HDAC10: variants seen among roughly 807,000 people sequenced by gnomAD.
HDAC10 encodes histone deacetylase 10.
HDAC10 carries 90 observed loss-of-function variants against 82.3 expected under a neutral mutation model. The observed-to-expected ratio is 1.09, with a 90% confidence interval of 0.92 to 1.30. HDAC10 has a LOEUF of 1.30. HDAC10 is among the 50% of genes most tolerant of loss of function. The probability of loss-of-function intolerance (pLI) is 0.00; values close to 1 mark genes in which losing one functional copy is unlikely to be tolerated. For missense variants in HDAC10, 934 were observed against 876.3 expected (o/e 1.07, Z -0.83); for synonymous variants, 456 against 391.7 (o/e 1.16, Z -1.94).
chr22:50,246,803 G>A (rs377500080), intron 15 of HDAC10, 68 bp from the exon 16 acceptor site: 4 of 1,598,850 alleles, frequency 2.5e-6, no homozygotes, highest in African/African-American at 2.7e-5. Context: ...AACTCTCTGT[G>A]CTTGGCCAGC....
In HDAC10 at chr22:50,248,086, G is replaced by A. The variant is rs766106095; in HGVS notation, c.1141C>T (p.Leu381=). ...TTACACACTGGACCCCCAGGCAGCA[G>A]AGGTGGAGGCCTCCCCTCTGGGGAG... is the stretch of plus-strand genomic sequence containing the variant. ...SHSPEGRPPP[L]LPGGPVCKAA... is the part of the protein sequence containing the mutation. The change falls in exon 13 of 20, where the codon CTG becomes TTG. Residue 381 remains leucine, a synonymous_variant. Transcript: ENST00000216271. The surrounding 1 kb of genome is among the most constrained non-coding windows in gnomAD (Gnocchi z 5.4). The A allele has an allele frequency of 5.6e-6, 9 of 1,599,970 alleles. No homozygotes were observed. The South Asian group carries it at 8.9e-5, about 16-fold the overall frequency.
In HDAC10 at chr22:50,249,826, G is replaced by A. The variant is rs1468984020; in HGVS notation, c.494+34C>T. On this transcript the variant is annotated intron_variant, in intron 5 of 19. Transcript: ENST00000216271. This position sits in a 1 kb window ranked among gnomAD's most constrained non-coding sequence, Gnocchi z 4.4. Reference sequence around the variant, plus strand: ...TGCGCTGCCCCTTGCTGTGTGGCCTGGGCCCACCCCCCTGCAGCCAGCCTG... The same window carrying A: ...TGCGCTGCCCCTTGCTGTGTGGCCTAGGCCCACCCCCCTGCAGCCAGCCTG... 1.9e-6 allele frequency: 3 copies of A among 1,605,434 alleles called. No homozygotes were observed. Among genetic ancestry groups the A allele is most frequent in the South Asian group, 2.2e-5 (2 of 90,734 alleles).
At position 50,250,759 on chromosome 22, in the gene HDAC10, C is replaced by T; in HGVS notation, c.194+12G>A. On this transcript the variant is annotated intron_variant, in intron 2 of 19. Coordinates refer to ENST00000216271, the MANE Select transcript of HDAC10 (RefSeq NM_032019.6). Reference sequence around the variant, plus strand: ...CCCCGCCCCCCATCGTGGGGCCTGCCCCCGTCCTGACCTGTGCACCAGGCC... The same window carrying T: ...CCCCGCCCCCCATCGTGGGGCCTGCTCCCGTCCTGACCTGTGCACCAGGCC... The T allele has an allele frequency of 1.3e-6, 2 of 1,574,072 alleles. No homozygotes were observed. Among genetic ancestry groups the T allele is most frequent in the Non-Finnish European group, 1.7e-6 (2 of 1,160,910 alleles).
chr22:50,247,164 G>A, intron 14 of HDAC10, 198 bp from the exon 15 acceptor site: 1 of 478,212 alleles, frequency 2.1e-6, no homozygotes. Flanking sequence ...TAGAGAGGCA[G>A]GGTCTCGTTC....
rs766386076 is a variant in HDAC10, at chr22:50,246,341, G to A, written c.1607C>T (p.Ala536Val). Residue 536 changes from alanine to valine, a missense_variant, in exon 17 of 20, where the codon GCG (alanine) becomes GTG (valine). Physicochemically the swap from Ala to Val is moderately conservative, Grantham distance 64. Transcript: ENST00000216271. Reference protein sequence around the residue: ...SLWLNIRGKEAAALSMFHVST... With the variant: ...SLWLNIRGKEVAALSMFHVST... ...GACATGGAACATGGATAGGGCAGCCGCCTCCTTGCCCCTGATGTTCAGCCA... is the reference window on the plus strand; with the variant it reads ...GACATGGAACATGGATAGGGCAGCCACCTCCTTGCCCCTGATGTTCAGCCA... The A allele has an allele frequency of 5.0e-6, 8 of 1,612,798 alleles. No individual in the cohort carries two copies. The highest frequency in any genetic ancestry group is 2.2e-5 in the East Asian group (1 of 44,890).
Position 50,248,282 on chromosome 22 carries a change from A to G in HDAC10, c.1024T>C (p.Ser342Pro). ...PMAPCQSALE[S>P]IQSARAAQAP... Reference sequence around the variant, plus strand: ...TGGGCAGCACGGGCACTCTGGATGGACTCTAGGGCACTGTGAGGGAGACAC... The same window carrying G: ...TGGGCAGCACGGGCACTCTGGATGGGCTCTAGGGCACTGTGAGGGAGACAC... The change falls in exon 12 of 20, where the codon TCC becomes CCC. Residue 342 changes from serine to proline, a missense_variant. Coordinates refer to ENST00000216271, the MANE Select transcript of HDAC10 (RefSeq NM_032019.6). The surrounding 1 kb of genome is among the most constrained non-coding windows in gnomAD (Gnocchi z 5.4). 1 of 1,612,094 alleles carries G rather than the reference A, an allele frequency of 6.2e-7. No homozygotes were observed. The highest frequency in any genetic ancestry group is 8.5e-7 in the Non-Finnish European group (1 of 1,179,776).
At chr22:50,247,268 A>G in intron 14 of HDAC10, 1 of 342,942 alleles carries the variant, frequency 2.9e-6, no homozygotes, top group East Asian at 5.1e-5. Flanking sequence ...CCTCCTAAGT[A>G]ACTACAGGCA....
At chr22:50,247,203 A>G (rs1035420672) in intron 14 of HDAC10, 6 of 432,260 alleles carry the variant, frequency 1.4e-5, no homozygotes, top group Non-Finnish European at 1.2e-5. Context: ...CAGTGGCGCA[A>G]TTGTAGCTCA....
chr22:50,246,595 C>A, intron 16 of HDAC10, 84 bp downstream of exon 16: 1 of 1,368,492 alleles, frequency 7.3e-7, no homozygotes, highest in Non-Finnish European at 1.0e-6. Flanking sequence ...CCCCACCCAC[C>A]CGTCACCCTG....
Position 50,249,525 on chromosome 22 carries a change from C to T in HDAC10, c.564-71G>A, listed in dbSNP as rs560536884. 5.6e-6 allele frequency: 9 copies of T among 1,605,904 alleles called. No individual in the cohort carries two copies. Among genetic ancestry groups the T allele is most frequent in the African/African-American group, 4.0e-5 (3 of 74,856 alleles). On this transcript the variant is annotated intron_variant, in intron 6 of 19. Coordinates refer to ENST00000216271, the MANE Select transcript of HDAC10 (RefSeq NM_032019.6). This position sits in a 1 kb window ranked among gnomAD's most constrained non-coding sequence, Gnocchi z 4.4. ...AACAGCTCTACAGCTCCCTGTAGAA[C>T]GCTGACCCCTGAGCACATGTCTGTA...
chr22:50,247,647 G>T, intron 14 of HDAC10, 45 bp downstream of exon 14: 1 of 1,421,518 alleles, frequency 7.0e-7, no homozygotes, highest in South Asian at 1.3e-5. Context: ...CCTGGTCCCT[G>T]CCCCTAGGTC....
In HDAC10 at chr22:50,251,173, G is replaced by A. The variant is rs536688644; in HGVS notation, c.-141C>T. The A allele has an allele frequency of 4.8e-6, 4 of 825,084 alleles. No individual in the cohort carries two copies. The highest frequency in any genetic ancestry group is 7.5e-6 in the Non-Finnish European group (4 of 529,958). 51.1% of individuals were successfully genotyped at this position (825,084 alleles called of 1,614,324 possible). On this transcript the variant is annotated 5_prime_UTR_variant, in exon 1 of 20. Coordinates refer to ENST00000216271, the MANE Select transcript of HDAC10 (RefSeq NM_032019.6). ...GCGGGCGGCGGGCACCGGCCTGGGCGGGAGCGCACAGAACCTAGGCAGGCT... is the reference window on the plus strand; with the variant it reads ...GCGGGCGGCGGGCACCGGCCTGGGCAGGAGCGCACAGAACCTAGGCAGGCT...
Position 50,249,187 on chromosome 22 carries a change from C to A in HDAC10, c.691-19G>T, listed in dbSNP as rs1241686323. ...TCCCAACCTGGCAGGACATCCCAGG[C>A]TACATCCTGAACTGTGGGGCAGGGG... is the stretch of plus-strand genomic sequence containing the variant. On this transcript the variant is annotated intron_variant, in intron 7 of 19. Transcript: ENST00000216271. This position sits in a 1 kb window ranked among gnomAD's most constrained non-coding sequence, Gnocchi z 4.4. The A allele has an allele frequency of 6.6e-7, 1 of 1,512,490 alleles. No homozygotes were observed. The highest frequency in any genetic ancestry group is 9.0e-7 in the Non-Finnish European group (1 of 1,114,186). The allele number at this position is 1,512,490 out of a possible 1,614,324, so 93.7% of individuals were successfully genotyped here.
intron 14 of HDAC10, 38 bp downstream of exon 14, chr22:50,247,654 G>A (rs1281459797): frequency 6.8e-7 from 1 of 1,466,074 alleles, no homozygotes; most frequent in Non-Finnish European, 9.3e-7. Flanking sequence ...CCTGCCCCTA[G>A]GTCCACAGCA....
In HDAC10 at chr22:50,245,550, G is replaced by A. The variant is rs893138425; in HGVS notation, c.1987-20C>T. On this transcript the variant is annotated intron_variant, in intron 19 of 19. Coordinates refer to ENST00000216271, the MANE Select transcript of HDAC10 (RefSeq NM_032019.6). ...ATGGCACTACAGGAGGAGCCGAGAAGAGGCGCGCAGTTGGCCTCCGGCGCT... is the reference window on the plus strand; with the variant it reads ...ATGGCACTACAGGAGGAGCCGAGAAAAGGCGCGCAGTTGGCCTCCGGCGCT... The A allele has an allele frequency of 3.4e-6, 4 of 1,173,772 alleles. No individual in the cohort carries two copies. In the African/African-American group the frequency reaches 6.0e-5, roughly 18 times the overall value. The allele number at this position is 1,173,772 out of a possible 1,614,324, so 72.7% of individuals were successfully genotyped here. A position where few individuals can be genotyped will look rare whatever the true frequency, so the allele number is the denominator to read the frequency against.
rs778671841 is a variant in HDAC10 at position 50,247,914 on chromosome 22, C to T, written c.1313G>A (p.Arg438Lys). The change falls in exon 13 of 20, where the codon AGG (arginine) becomes AAG (lysine). Residue 438 changes from arginine (R) to lysine (K), a missense_variant. Physicochemically the swap from Arg to Lys is conservative, Grantham distance 26. Transcript: ENST00000216271. The part of the protein sequence containing the change: ...DVIQQEASAL[R>K]EETEAWARPH... ...CCTGGCCCAGGCTTCTGTCTCCTCC[C>T]TCAGGGCTGACGCTTCCTGTTGGAT... 58 of 1,612,698 alleles carry T rather than the reference C, an allele frequency of 3.6e-5. No individual in the cohort carries two copies. Among genetic ancestry groups the T allele is most frequent in the Non-Finnish European group, 4.9e-5 (58 of 1,179,978 alleles).
rs768219514 is a variant in HDAC10 at position 50,250,463 on chromosome 22, C to T, written c.255G>A (p.Ala85=). 2.0e-5 allele frequency: 32 copies of T among 1,612,870 alleles called. No individual in the cohort carries two copies. Among genetic ancestry groups the T allele is most frequent in the South Asian group, 9.9e-5 (9 of 91,088 alleles). The change falls in exon 3 of 20, where the codon GCG becomes GCA. Residue 85 remains alanine (A), a synonymous_variant. Transcript: ENST00000216271. ...AGATGGCGTCGAACTGTCCGGACAG[C>T]GCCTGCAGCTCCTCCTTGCCTAGGA... is the stretch of plus-strand genomic sequence containing the variant. ...TQVLGKEELQ[A]LSGQFDAIYF...
chr22:50,250,860 C>G lies in HDAC10; in HGVS notation c.105G>C (p.Leu35=), dbSNP rs768679094. ...IERPERLTAA[L]DRLRQRGLEQ... The stretch of plus-strand genomic sequence containing the variant: ...CCAGGCCGCGCTGCCGCAGGCGATC[C>G]AGGGCTGCGGTCAGGCGCTCAGGAC... The change falls in exon 2 of 20, where the codon CTG becomes CTC. Residue 35 remains leucine (L), a synonymous_variant. Coordinates refer to ENST00000216271, the MANE Select transcript of HDAC10 (RefSeq NM_032019.6). 1.9e-6 allele frequency: 3 copies of G among 1,602,350 alleles called. No homozygotes were observed. In the Admixed American group the frequency reaches 5.1e-5, roughly 27 times the overall value.
chr22:50,246,282 T>C lies in HDAC10; in HGVS notation c.1650+16A>G. The C allele has an allele frequency of 6.2e-7, 1 of 1,609,660 alleles. No individual in the cohort carries two copies. Among genetic ancestry groups the C allele is most frequent in the South Asian group, 1.1e-5 (1 of 91,018 alleles). ...GCTCCCCAGCACCTGCCTTGCCGCG[T>C]GGCATGGTCACTCACCACTGGCAGT... On this transcript the variant is annotated intron_variant, in intron 17 of 19. Transcript: ENST00000216271.
Sources: allele counts gnomAD v4.1 joint callset, GRCh38; gene constraint gnomAD v4.1.1; non-coding constraint Gnocchi (gnomAD v3.1); transcripts MANE v1.5; gene names NCBI Gene and HGNC (gene_info 2026-07-23, HGNC 2026-07-21).